Variants in AP1B1 observed in about 807,000 individuals in gnomAD.
The protein encoded by AP1B1 is adaptor related protein complex 1 subunit beta 1, also known as AP-1 complex subunit beta-1.
AP1B1 carries 36 observed loss-of-function variants against 104.3 expected under a neutral mutation model. The ratio of observed to expected loss-of-function variants is 0.35; its 90% CI spans 0.26 to 0.46. The LOEUF is 0.46. Among genes scored for constraint, AP1B1 ranks in the 20% least tolerant of loss-of-function variants. The probability of loss-of-function intolerance (pLI) is 1.00; values close to 1 mark genes in which losing one functional copy is unlikely to be tolerated. For synonymous variants in AP1B1, 504 were observed against 517.5 expected (o/e 0.97, Z 0.35); for missense variants, 901 against 1,247.9 (o/e 0.72, Z 4.19).
chr22:29,332,712 G>A (rs927518287), intron 17 of AP1B1, among the ~76,000 whole-genome samples: 1 of 152,192 alleles, frequency 6.6e-6, no homozygotes, highest in African/African-American at 2.4e-5. Context: ...GCGCTGCTGA[G>A]AATCAGAGTT....
At chr22:29,359,676 T>C (rs1004344048) in intron 4 of AP1B1, 148 bp downstream of exon 4, 4 of 979,282 alleles carry the variant, frequency 4.1e-6, no homozygotes, top group Non-Finnish European at 5.9e-6. Context: ...AGCCCTCTGC[T>C]GGAGGAAGAG....
In AP1B1 at chr22:29,340,691, C is replaced by A. The variant is rs1292398888; in HGVS notation, c.1963G>T (p.Ala655Ser). 3 of 1,579,460 alleles carry A rather than the reference C, an allele frequency of 1.9e-6. No homozygotes were observed. The East Asian group carries it at 6.9e-5, about 36-fold the overall frequency. The change falls in exon 14 of 23, where the codon GCT (alanine) becomes TCT (serine). Residue 655 changes from alanine to serine, a missense_variant. By Grantham distance (99) the Ala-to-Ser change is moderately conservative (BLOSUM62 1). This residue lies in a region of AP1B1 where 424 missense variants were observed against 494.0 expected (regional missense o/e 0.86). Transcript: ENST00000357586. ...AGGCCACCGCCAAGAAGGTCCACAG[C>A]TCCCATCTGCACCGAGGAGGTGGCC... ...PLATSSVQMG[A>S]VDLLGGGLDS...
At position 29,328,669 on chromosome 22, in the gene AP1B1, G is replaced by T; in HGVS notation, c.*152C>A. ...CAGGAGGGGGTGGTGCCCTACCCCA[G>T]GGATCGGGTGGGTTCTGCCATCAGG... On this transcript the variant is annotated 3_prime_UTR_variant, in exon 23 of 23. Transcript: ENST00000357586. This position sits in a 1 kb window ranked among gnomAD's most constrained non-coding sequence, Gnocchi z 4.1. The T allele has an allele frequency of 1.1e-6, 1 of 946,834 alleles. No individual in the cohort carries two copies. 58.7% of individuals were successfully genotyped at this position (946,834 alleles called of 1,614,324 possible).
intron 17 of AP1B1, 133 bp from the exon 18 acceptor site, chr22:29,332,049 T>C (rs2061569780): frequency 3.3e-6 from 3 of 896,742 alleles, no homozygotes; most frequent in Non-Finnish European, 3.3e-6. Context: ...TCCCATGTTC[T>C]GGACCCTGGA....
At chr22:29,358,646 C>T in intron 5 of AP1B1, 80 bp downstream of exon 5, 7 of 1,543,706 alleles carry the variant, frequency 4.5e-6, no homozygotes, top group Non-Finnish European at 6.2e-6. Flanking sequence ...CTCAGGACTG[C>T]CTGGTGAAGA....
chr22:29,374,288 A>ATAAC (rs2062296903), intron 1 of AP1B1, among the ~76,000 whole-genome samples: 1 of 151,742 alleles, frequency 6.6e-6, no homozygotes, highest in Admixed American at 6.6e-5. Flanking sequence ...TCCAGAGGAA[A>ATAAC]GTCTTTGGAG....
intron 15 of AP1B1, among the ~76,000 whole-genome samples, chr22:29,339,436 A>G (rs552533239): frequency 6.6e-6 from 1 of 152,102 alleles, no homozygotes; most frequent in Non-Finnish European, 1.5e-5. Context: ...GGCTGGGTGG[A>G]GACATGCTAC....
At chr22:29,329,529 T>C in intron 22 of AP1B1, 183 bp downstream of exon 22, 1 of 1,450,044 alleles carries the variant, frequency 6.9e-7, no homozygotes, top group Non-Finnish European at 9.1e-7. Flanking sequence ...AAGGACTCTG[T>C]GCACACTGTG....
intron 2 of AP1B1, among the ~76,000 whole-genome samples, chr22:29,364,291 T>C (rs1277589517): frequency 6.6e-6 from 1 of 152,244 alleles, no homozygotes; most frequent in East Asian, 1.9e-4. Flanking sequence ...AAATCAATTG[T>C]TCTGAAGAAC....
In AP1B1 at chr22:29,358,718, T is replaced by C. The variant is rs201748863; in HGVS notation, c.525+8A>G. ...GTGGAGGTAGCACGGTGGGTGGCAGTGGCTTACCATGGGGTTAGAGTCGGA... is the reference window on the plus strand; with the variant it reads ...GTGGAGGTAGCACGGTGGGTGGCAGCGGCTTACCATGGGGTTAGAGTCGGA... On this transcript the variant is annotated splice_region_variant and intron_variant, in intron 5 of 22. Transcript: ENST00000357586. 2 of 1,606,418 alleles carry C rather than the reference T, an allele frequency of 1.2e-6. No homozygotes were observed. Among genetic ancestry groups the C allele is most frequent in the Non-Finnish European group, 1.7e-6 (2 of 1,173,876 alleles).
In AP1B1 at chr22:29,340,851, C is replaced by T. The variant is rs1168321973; in HGVS notation, c.1803G>A (p.Glu601=). The part of the protein sequence containing the change: ...KSLPPRTASS[E]SAESPETAPT... Reference sequence around the variant, plus strand: ...GGGCTGTCTCAGGGCTCTCTGCGCTCTCACTCCTGCCGGGACACAGAAGTA... The same window carrying T: ...GGGCTGTCTCAGGGCTCTCTGCGCTTTCACTCCTGCCGGGACACAGAAGTA... The change falls in exon 14 of 23, where the codon GAG becomes GAA. Residue 601 remains glutamate, a synonymous_variant. Coordinates refer to ENST00000357586, the MANE Select transcript of AP1B1 (RefSeq NM_001127.4). The T allele has an allele frequency of 1.3e-6, 2 of 1,592,242 alleles. No individual in the cohort carries two copies. The highest frequency in any genetic ancestry group is 1.8e-5 in the Admixed American group (1 of 55,380).
chr22:29,346,165 A>G (rs943306813), intron 11 of AP1B1, among the ~76,000 whole-genome samples: 11 of 152,200 alleles, frequency 7.2e-5, no homozygotes, highest in African/African-American at 2.7e-4. Context: ...CAGGCCACAC[A>G]ACAGGGAGGA....
chr22:29,358,211 G>A (rs900107124), intron 5 of AP1B1, among the ~76,000 whole-genome samples: 7 of 152,148 alleles, frequency 4.6e-5, no homozygotes, highest in Admixed American at 3.9e-4. Context: ...GGGGACTGTG[G>A]GGTTCCACAT....
At chr22:29,359,359 C>T (rs2062009180) in intron 4 of AP1B1, among the ~76,000 whole-genome samples, 1 of 152,180 alleles carries the variant, frequency 6.6e-6, no homozygotes, top group Admixed American at 6.5e-5. Flanking sequence ...CATATCCGAG[C>T]ACGGACAGGA....
At chr22:29,382,489 T>C (rs764732765) in intron 1 of AP1B1, among the ~76,000 whole-genome samples, 2 of 152,146 alleles carry the variant, frequency 1.3e-5, no homozygotes, top group Non-Finnish European at 2.9e-5. Context: ...CAAAAATCCT[T>C]CCCTACATGG....
intron 1 of AP1B1, among the ~76,000 whole-genome samples, chr22:29,381,523 T>C (rs2062436370): frequency 6.6e-6 from 1 of 152,226 alleles, no homozygotes; most frequent in Non-Finnish European, 1.5e-5. Context: ...AGCTTCTCCA[T>C]GTTCCATTCA....
Position 29,340,817 on chromosome 22 carries a change from C to G in AP1B1, c.1837G>C (p.Ala613Pro). 1.2e-6 allele frequency: 2 copies of G among 1,600,080 alleles called. No homozygotes were observed. The highest frequency in any genetic ancestry group is 1.7e-6 in the Non-Finnish European group (2 of 1,174,786). Residue 613 changes from alanine (A) to proline (P), a missense_variant, in exon 14 of 23, where the codon GCA becomes CCA. By Grantham distance (27) the Ala-to-Pro change is conservative. Coordinates refer to ENST00000357586, the MANE Select transcript of AP1B1 (RefSeq NM_001127.4). ...AESPETAPTG[A>P]PPGEQPDVIP... ...ACATCTGGCTGCTCCCCAGGAGGTG[C>G]TCCAGTAGGGGCTGTCTCAGGGCTC... is the stretch of plus-strand genomic sequence containing the variant.
intron 7 of AP1B1, 29 bp from the exon 8 acceptor site, chr22:29,351,854 C>G: frequency 6.2e-7 from 1 of 1,606,840 alleles, no homozygotes; most frequent in East Asian, 2.2e-5. Context: ...GCCCGGAGAG[C>G]AAAAAACAAG....
intron 1 of AP1B1, among the ~76,000 whole-genome samples, chr22:29,369,015 C>T: frequency 6.6e-6 from 1 of 151,976 alleles, no homozygotes; most frequent in East Asian, 1.9e-4. Context: ...TATAGAAAAC[C>T]ACACAACTCC....
Sources: gnomAD v4.1 joint callset for allele counts (sites outside exome capture counted in the v4.1 genomes callset) on GRCh38, gnomAD v4.1.1 for gene constraint, gnomAD v4.1.1 regional missense constraint, Gnocchi (gnomAD v3.1) non-coding constraint, MANE v1.5 for transcripts, NCBI Gene and HGNC (gene_info 2026-07-23, HGNC 2026-07-21) for gene names.